LIN9: variants seen among roughly 807,000 people sequenced by gnomAD.
LIN9 encodes lin-9 DREAM MuvB core complex component.
Under a neutral mutation model 78.0 loss-of-function variants are expected in LIN9, and 18 were observed. The observed-to-expected ratio is 0.23, with a 90% CI of 0.16 to 0.34. LIN9 has a LOEUF of 0.34. Among genes scored for constraint, LIN9 ranks in the 10% least tolerant of loss-of-function variants. The probability of loss-of-function intolerance (pLI) is 1.00; values close to 1 mark genes in which losing one functional copy is unlikely to be tolerated. For missense variants in LIN9, 451 were observed against 644.1 expected, an observed-to-expected ratio of 0.70 and a Z score of 3.25; for synonymous variants, 192 against 215.2, an observed-to-expected ratio of 0.89 and a Z score of 0.94.
intron 10 of LIN9, among the ~76,000 whole-genome samples, chr1:226,258,463 T>C (rs192559886): frequency 4.1e-5 from 6 of 145,114 alleles, no homozygotes; most frequent in Admixed American, 1.4e-4. Flanking sequence ...AGCAAGACTT[T>C]GTCTCAAAAA....
chr1:226,256,674 T>C (rs1659216692), intron 10 of LIN9, among the ~76,000 whole-genome samples: 1 of 151,828 alleles, frequency 6.6e-6, no homozygotes, highest in African/African-American at 2.4e-5. Context: ...GTCTCCTGCC[T>C]CAGCCTCCCG....
intron 10 of LIN9, among the ~76,000 whole-genome samples, chr1:226,258,702 A>G (rs569215790): frequency 1.7e-3 from 260 of 151,372 alleles, no homozygotes; most frequent in Non-Finnish European, 1.4e-3. Flanking sequence ...TGTCCTGGCT[A>G]ACACGGTGAA....
chr1:226,299,681 A>G lies in LIN9; in HGVS notation c.64+1492T>C, dbSNP rs537607683. On this transcript the variant is annotated intron_variant, in intron 2 of 14. Coordinates refer to ENST00000681046, the MANE Select transcript of LIN9 (RefSeq NM_001366245.2). ...TGGTAAATCACCAATCCAAAGCACA[A>G]TATAGTAGCTTTAAAGACTAAAAGT... Among the ~76,000 whole-genome samples the G allele has an allele frequency of 5.3e-5, 8 of 152,292 alleles. No homozygotes were observed. In the South Asian group the frequency reaches 1.7e-3, roughly 32 times the overall value.
chr1:226,241,875 G>C (rs952161776), intron 11 of LIN9, among the ~76,000 whole-genome samples: 9 of 151,224 alleles, frequency 6.0e-5, no homozygotes, highest in African/African-American at 1.9e-4. Flanking sequence ...AAAAAGAAAA[G>C]GGGGTGATGT....
intron 10 of LIN9, among the ~76,000 whole-genome samples, chr1:226,254,527 T>C (rs372689489): frequency 2.7e-4 from 41 of 152,248 alleles, no homozygotes; most frequent in East Asian, 7.7e-4. Flanking sequence ...ATCAAATACA[T>C]AGACTTTCAG....
intron 12 of LIN9, among the ~76,000 whole-genome samples, chr1:226,234,448 T>A (rs1384525343): frequency 6.6e-6 from 1 of 152,216 alleles, no homozygotes; most frequent in Non-Finnish European, 1.5e-5. Context: ...AATCTCTTAC[T>A]ATATTTATTT....
intron 1 of LIN9, among the ~76,000 whole-genome samples, chr1:226,302,318 C>A (rs942472932): frequency 2.0e-5 from 3 of 151,910 alleles, no homozygotes; most frequent in Non-Finnish European, 4.4e-5. Flanking sequence ...CCGAGGTGGG[C>A]GGATCACAAG....
intron 7 of LIN9, among the ~76,000 whole-genome samples, chr1:226,276,276 A>G (rs1157105813): frequency 6.6e-6 from 1 of 152,234 alleles, no homozygotes; most frequent in Non-Finnish European, 1.5e-5. Context: ...GGCATAAATC[A>G]GTATGTCAGC....
chr1:226,259,055 G>A (rs898807320), intron 10 of LIN9, among the ~76,000 whole-genome samples: 2 of 150,992 alleles, frequency 1.3e-5, no homozygotes, highest in African/African-American at 2.4e-5. Flanking sequence ...ACGCCTCCTG[G>A]GTTCAAGCAA....
intron 10 of LIN9, among the ~76,000 whole-genome samples, chr1:226,258,972 ATT>A (rs377676108): frequency 3.3e-5 from 4 of 122,098 alleles, no homozygotes; most frequent in Non-Finnish European, 3.3e-5. Context: ...AGACATAATA[ATT>A]TTTTTTTTTT....
intron 12 of LIN9, among the ~76,000 whole-genome samples, chr1:226,237,479 A>T (rs894441089): frequency 6.6e-6 from 1 of 151,516 alleles, no homozygotes; most frequent in African/African-American, 2.4e-5. Context: ...CTAAAAATAC[A>T]AAATTACCTG....
At position 226,232,613 on chromosome 1, in the gene LIN9, A is replaced by C. The variant is rs1657408252; in HGVS notation, c.1524-7T>G. 6.4e-7 allele frequency: 1 copy of C among 1,562,238 alleles called. No homozygotes were observed. Among genetic ancestry groups the C allele is most frequent in the South Asian group, 1.2e-5 (1 of 84,516 alleles). ...TACATTATTCTGAAAGCAACTAAAG[A>C]AAGAAGAAACATGGTTAACTACTTT... is the stretch of plus-strand genomic sequence containing the variant. On this transcript the variant is annotated splice_region_variant and splice_polypyrimidine_tract_variant and intron_variant, in intron 14 of 14. Coordinates refer to ENST00000681046, the MANE Select transcript of LIN9 (RefSeq NM_001366245.2).
At chr1:226,253,099 T>C (rs1047573716) in intron 10 of LIN9, among the ~76,000 whole-genome samples, 1 of 151,198 alleles carries the variant, frequency 6.6e-6, no homozygotes, top group African/African-American at 2.4e-5. Flanking sequence ...CCCATCTCTA[T>C]GAAAAAGTAA....
intron 7 of LIN9, among the ~76,000 whole-genome samples, chr1:226,274,735 G>A (rs75024365): frequency 0.017 from 2,498 of 150,656 alleles, 65 homozygotes; most frequent in African/African-American, 0.056. Context: ...CAAGTTCACC[G>A]ACCCAGTCTT....
In LIN9 at chr1:226,232,042, G is replaced by A; in HGVS notation, c.*459C>T. On this transcript the variant is annotated 3_prime_UTR_variant, in exon 15 of 15. Transcript: ENST00000681046. ...CTCATGATGTTATCTTTTGAAGACTGAGATGGTGATCAACTAAATCAAGTG... is the reference window on the plus strand; with the variant it reads ...CTCATGATGTTATCTTTTGAAGACTAAGATGGTGATCAACTAAATCAAGTG... 4 of 398,394 alleles carry A rather than the reference G, an allele frequency of 1.0e-5. No individual in the cohort carries two copies. The Admixed American group carries it at 1.8e-4, about 18-fold the overall frequency. The allele number at this position is 398,394 out of a possible 1,614,324, so 24.7% of individuals were successfully genotyped here. A position where few individuals can be genotyped will look rare whatever the true frequency, so the allele number is the denominator to read the frequency against.
At chr1:226,298,212 TTTTC>T (rs1228633179) in intron 2 of LIN9, among the ~76,000 whole-genome samples, 2 of 152,244 alleles carry the variant, frequency 1.3e-5, no homozygotes, top group Admixed American at 6.5e-5. Context: ...CTTTTTTACT[TTTTC>T]TTTGTGTGTG....
chr1:226,235,515 A>T (rs1326757753), intron 12 of LIN9, among the ~76,000 whole-genome samples: 1 of 152,120 alleles, frequency 6.6e-6, no homozygotes, highest in Non-Finnish European at 1.5e-5. Flanking sequence ...ATTTTTTAAA[A>T]TTTTAGAATA....
At chr1:226,301,079 A>G (rs531520035) in intron 2 of LIN9, 94 bp downstream of exon 2, 3 of 865,476 alleles carry the variant, frequency 3.5e-6, no homozygotes, top group East Asian at 2.5e-5. Flanking sequence ...ACAATGAATC[A>G]TAACTTAGAA....
intron 10 of LIN9, among the ~76,000 whole-genome samples, chr1:226,254,291 T>A (rs368962770): frequency 6.6e-6 from 1 of 152,186 alleles, no homozygotes; most frequent in South Asian, 2.1e-4. Flanking sequence ...ACATTTTTAA[T>A]GTTTATTTTG....
Sources: gnomAD v4.1 joint callset for allele counts (sites outside exome capture counted in the v4.1 genomes callset) on GRCh38, gnomAD v4.1.1 for gene constraint, MANE v1.5 for transcripts, NCBI Gene and HGNC (gene_info 2026-07-23, HGNC 2026-07-21) for gene names.